Variants in FMN2 observed in about 807,000 individuals in gnomAD.
FMN2 encodes formin 2.
FMN2 carries 51 observed loss-of-function variants against 142.3 expected under a neutral mutation model. The observed-to-expected ratio is 0.36, with a 90% CI of 0.29 to 0.45. The LOEUF is 0.45. Among genes scored for constraint, FMN2 ranks in the 20% least tolerant of loss-of-function variants. FMN2 has a pLI of 1.00. For missense variants in FMN2, 1,936 were observed against 2,122.8 expected, an observed-to-expected ratio of 0.91 and a Z score of 1.73; for synonymous variants, 882 against 869.8, an observed-to-expected ratio of 1.01 and a Z score of -0.25.
intron 6 of FMN2, among the ~76,000 whole-genome samples, chr1:240,223,516 A>G (rs1667193824): frequency 6.6e-6 from 1 of 152,190 alleles, no homozygotes; most frequent in South Asian, 2.1e-4. Context: ...GTTAGGGCAG[A>G]GTCCCTCTTT....
chr1:240,192,529 C>T (rs1454935980), intron 4 of FMN2, among the ~76,000 whole-genome samples: 1 of 152,118 alleles, frequency 6.6e-6, no homozygotes, highest in Admixed American at 6.6e-5. Flanking sequence ...AACAATAACC[C>T]ACAAGACAAG....
intron 7 of FMN2, among the ~76,000 whole-genome samples, chr1:240,278,372 CT>C (rs1320339864): frequency 1.3e-5 from 2 of 152,136 alleles, no homozygotes; most frequent in Non-Finnish European, 2.9e-5. Flanking sequence ...TTTCAGAATA[CT>C]TAGTGAAAGG....
rs115475714 is a variant in FMN2 at position 240,339,062 on chromosome 1, C to T, written c.4765+4833C>T. Among the ~76,000 whole-genome samples the T allele has an allele frequency of 6.1e-3, 928 of 152,194 alleles. 11 individuals carry two copies. Among genetic ancestry groups the T allele is most frequent in the African/African-American group, 0.021 (857 of 41,556 alleles). ...GATCTGACAGGAGGCGGAGCTCAGG[C>T]GGTAATGCTTGCGATGAGGAGCGGC... On this transcript the variant is annotated intron_variant, in intron 13 of 17. Transcript: ENST00000319653.
At chr1:240,144,652 C>T in intron 2 of FMN2, 1 of 1,291,124 alleles carries the variant, frequency 7.7e-7, no homozygotes, top group Non-Finnish European at 1.1e-6. Context: ...AGTTCTCAGG[C>T]TCAGACACAT....
At chr1:240,309,051 A>G (rs72766249) in intron 8 of FMN2, among the ~76,000 whole-genome samples, 21,842 of 152,144 alleles carry the variant, frequency 0.14, 2,033 homozygotes, top group African/African-American at 0.26. Flanking sequence ...AGAAAGTCTA[A>G]CAGTATGGGT....
At chr1:240,412,643 T>TA (rs918909024) in intron 15 of FMN2, among the ~76,000 whole-genome samples, 37 of 148,698 alleles carry the variant, frequency 2.5e-4, no homozygotes, top group South Asian at 1.1e-3. Context: ...CCAGAAACTT[T>TA]AAAAAAAAAA....
intron 6 of FMN2, among the ~76,000 whole-genome samples, chr1:240,237,796 A>T (rs1261968384): frequency 1.3e-5 from 2 of 152,086 alleles, no homozygotes; most frequent in East Asian, 3.9e-4. Context: ...TTTGAGAGAG[A>T]TTGGAGTTGA....
At chr1:240,277,190 G>C (rs1669244391) in intron 7 of FMN2, among the ~76,000 whole-genome samples, 1 of 152,168 alleles carries the variant, frequency 6.6e-6, no homozygotes, top group Non-Finnish European at 1.5e-5. Flanking sequence ...CATTTTGGTG[G>C]ATTGTTGGAT....
chr1:240,472,943 C>CAAAA (rs372290294), intron 17 of FMN2, among the ~76,000 whole-genome samples: 4 of 90,650 alleles, frequency 4.4e-5, no homozygotes, highest in African/African-American at 1.2e-4. Context: ...GACTTTGTCT[C>CAAAA]AAAAAAAAAA....
intron 14 of FMN2, among the ~76,000 whole-genome samples, chr1:240,385,274 A>G (rs1159279792): frequency 6.6e-6 from 1 of 152,126 alleles, no homozygotes; most frequent in Non-Finnish European, 1.5e-5. Flanking sequence ...TAATGCGTGT[A>G]TTTACTTATT....
intron 15 of FMN2, among the ~76,000 whole-genome samples, chr1:240,399,415 G>A (rs1200014086): frequency 6.6e-6 from 1 of 152,106 alleles, no homozygotes; most frequent in Non-Finnish European, 1.5e-5. Context: ...GGAATCATTT[G>A]TCCAAGAAAA....
intron 8 of FMN2, among the ~76,000 whole-genome samples, chr1:240,305,920 A>C (rs867678170): frequency 6.6e-6 from 1 of 151,622 alleles, no homozygotes; most frequent in Non-Finnish European, 1.5e-5. Flanking sequence ...GTCATTAGTC[A>C]TACAGTTTTC....
Position 240,092,174 on chromosome 1 carries a change from G to GCGC in FMN2, c.68_70dup (p.Ala23dup). On this transcript the variant is annotated inframe_insertion, in exon 1 of 18. Transcript: ENST00000319653. ...GATGCTTTGCACGAAGGCGGCGGTG[G>GCGC]CGCCGAGGATGCGCTGGGGCCCAGG... The GCGC allele has an allele frequency of 1.3e-6, 2 of 1,578,538 alleles. No individual in the cohort carries two copies. The highest frequency in any genetic ancestry group is 1.7e-6 in the Non-Finnish European group (2 of 1,162,902).
intron 13 of FMN2, among the ~76,000 whole-genome samples, chr1:240,338,674 A>T (rs1049033428): frequency 2.6e-5 from 4 of 152,110 alleles, no homozygotes; most frequent in African/African-American, 9.7e-5. Flanking sequence ...TTCATCACTT[A>T]GGACAGTGGT....
chr1:240,351,988 G>A lies in FMN2; in HGVS notation c.4766-3828G>A, dbSNP rs182549296. Among the ~76,000 whole-genome samples, 400 of 152,278 alleles carry A rather than the reference G, an allele frequency of 2.6e-3. 3 individuals are homozygous for A. Among genetic ancestry groups the A allele is most frequent in the African/African-American group, 8.8e-3 (367 of 41,570 alleles). ...ACTTCTACTTTTTAACTTAAAAATGGAAAATGAAATAATTGTGACCAGTAA... is the reference window on the plus strand; with the variant it reads ...ACTTCTACTTTTTAACTTAAAAATGAAAAATGAAATAATTGTGACCAGTAA... On this transcript the variant is annotated intron_variant, in intron 13 of 17. Transcript: ENST00000319653.
chr1:240,128,318 T>TAAAAAA (rs1164871178), intron 2 of FMN2, among the ~76,000 whole-genome samples: 1 of 152,234 alleles, frequency 6.6e-6, no homozygotes, highest in African/African-American at 2.4e-5. Flanking sequence ...TTATCTTACA[T>TAAAAAA]AATTGTTGAT....
intron 6 of FMN2, among the ~76,000 whole-genome samples, chr1:240,251,032 CTAACTT>C (rs1183408974): frequency 2.0e-5 from 3 of 151,746 alleles, no homozygotes; most frequent in Admixed American, 2.0e-4. Context: ...TTTCATAAAA[CTAACTT>C]TATTTTGTTG....
chr1:240,410,618 A>G (rs535571383), intron 15 of FMN2, among the ~76,000 whole-genome samples: 4 of 151,288 alleles, frequency 2.6e-5, no homozygotes, highest in African/African-American at 9.8e-5. Context: ...AATATTGAGA[A>G]ATTTTTTGGG....
chr1:240,242,055 C>T (rs1340584683), intron 6 of FMN2, among the ~76,000 whole-genome samples: 1 of 151,990 alleles, frequency 6.6e-6, no homozygotes, highest in Non-Finnish European at 1.5e-5. Flanking sequence ...CCGTGTTAGC[C>T]AGGATGGTCT....
Sources: allele counts gnomAD v4.1 joint callset (sites outside exome capture counted in the v4.1 genomes callset), GRCh38; gene constraint gnomAD v4.1.1; transcripts MANE v1.5; gene names NCBI Gene and HGNC (gene_info 2026-07-23, HGNC 2026-07-21).